SAMMSON: variants seen among roughly 807,000 people sequenced by gnomAD.
SAMMSON encodes long intergenic non-protein coding RNA 1212.
At chr3:70,124,020 A>T (rs1196019744) in intron 4 of SAMMSON, among the ~76,000 whole-genome samples, 1 of 152,168 alleles carries the variant, frequency 6.6e-6, no homozygotes, top group Admixed American at 6.5e-5. Context: ...CGGAAGACAG[A>T]TTCTAGGTCC....
intron 4 of SAMMSON, among the ~76,000 whole-genome samples, chr3:70,165,325 G>T (rs949648106): frequency 3.9e-5 from 6 of 151,972 alleles, no homozygotes; most frequent in African/African-American, 1.4e-4. Flanking sequence ...AACCTAATCT[G>T]TTGGTATTAG....
In SAMMSON at chr3:70,197,148, G is replaced by A. The variant is rs532512213; in HGVS notation, n.508-51959G>A. On this transcript the variant is annotated intron_variant and non_coding_transcript_variant, in intron 4 of 9. Transcript: ENST00000642114. ...GCATCAGGAGACAGTCCCAAAACTG[G>A]CAAAACAGACAGGCGAGGATAAGGG... 16 of 398,480 alleles carry A rather than the reference G, an allele frequency of 4.0e-5. No homozygotes were observed. In the Admixed American group the frequency reaches 5.7e-4, roughly 14 times the overall value. 24.7% of individuals were successfully genotyped at this position (398,480 alleles called of 1,614,324 possible). A position where few individuals can be genotyped will look rare whatever the true frequency, so the allele number is the denominator to read the frequency against.
At chr3:70,373,988 C>A (rs1021533308) in intron 9 of SAMMSON, among the ~76,000 whole-genome samples, 3 of 152,202 alleles carry the variant, frequency 2.0e-5, no homozygotes, top group African/African-American at 7.2e-5. Flanking sequence ...CATCTCGGCT[C>A]ACTGCAACCT....
chr3:70,331,910 C>G (rs1183871099), intron 7 of SAMMSON, among the ~76,000 whole-genome samples: 3 of 152,142 alleles, frequency 2.0e-5, no homozygotes, highest in African/African-American at 7.2e-5. Flanking sequence ...TTGGGGAAAC[C>G]TCATGAGATT....
chr3:70,177,574 CA>C (rs1273298170), intron 4 of SAMMSON, among the ~76,000 whole-genome samples: 4 of 152,060 alleles, frequency 2.6e-5, no homozygotes, highest in African/African-American at 9.7e-5. Context: ...CTCTTGTTTC[CA>C]AAGACTTTTG....
chr3:70,211,943 C>T (rs1701355503), intron 4 of SAMMSON, among the ~76,000 whole-genome samples: 1 of 150,782 alleles, frequency 6.6e-6, no homozygotes, highest in Non-Finnish European at 1.5e-5. Flanking sequence ...GGTGTAATTC[C>T]TTGACTGACC....
chr3:70,341,913 G>A (rs1702714161), intron 7 of SAMMSON, among the ~76,000 whole-genome samples: 1 of 152,152 alleles, frequency 6.6e-6, no homozygotes, highest in African/African-American at 2.4e-5. Context: ...TCAGTAATAT[G>A]TAAAGCCTGT....
intron 7 of SAMMSON, chr3:70,302,521 A>G (rs1308409719): frequency 3.9e-5 from 6 of 152,144 alleles, no homozygotes; most frequent in Non-Finnish European, 1.5e-5. Context: ...AGCTGTTGTG[A>G]CTTGTAGGAA....
chr3:70,213,623 A>G (rs115147089), intron 4 of SAMMSON, among the ~76,000 whole-genome samples: 1,730 of 152,250 alleles, frequency 0.011, 14 homozygotes, highest in Non-Finnish European at 0.017. Context: ...AGTTAATTGA[A>G]GTGACACTGT....
intron 4 of SAMMSON, among the ~76,000 whole-genome samples, chr3:70,222,768 A>T (rs560918357): frequency 6.6e-6 from 1 of 152,148 alleles, no homozygotes; most frequent in East Asian, 1.9e-4. Context: ...GGTGCCTCCT[A>T]TTAAATAATT....
chr3:70,409,367 T>C (rs1701200597), intron 2 of SAMMSON, among the ~76,000 whole-genome samples: 1 of 151,964 alleles, frequency 6.6e-6, no homozygotes, highest in Non-Finnish European at 1.5e-5. Context: ...TCATAAAATA[T>C]GACTAAATAG....
chr3:70,179,993 C>T (rs982068111), intron 4 of SAMMSON, among the ~76,000 whole-genome samples: 6 of 133,858 alleles, frequency 4.5e-5, no homozygotes, highest in South Asian at 2.7e-4. Flanking sequence ...ATTATTTTAC[C>T]TGTGCTTCGT....
chr3:70,316,852 T>C (rs181765834), intron 7 of SAMMSON, among the ~76,000 whole-genome samples: 1 of 152,128 alleles, frequency 6.6e-6, no homozygotes, highest in African/African-American at 2.4e-5. Context: ...TTAAATTTTA[T>C]CTTTGTTTCA....
chr3:70,227,985 A>T (rs1701524830), intron 4 of SAMMSON, among the ~76,000 whole-genome samples: 1 of 151,492 alleles, frequency 6.6e-6, no homozygotes, highest in African/African-American at 2.4e-5. Flanking sequence ...ATAATATAAT[A>T]AATAATATTG....
chr3:70,434,537 A>AT (rs1701443639), intron 2 of SAMMSON, among the ~76,000 whole-genome samples: 1 of 152,130 alleles, frequency 6.6e-6, no homozygotes, highest in Admixed American at 6.5e-5. Context: ...GATTTTCTAT[A>AT]TGTAGACAAC....
intron 6 of SAMMSON, among the ~76,000 whole-genome samples, chr3:70,276,035 A>G (rs1449010568): frequency 6.6e-6 from 1 of 152,152 alleles, no homozygotes; most frequent in Non-Finnish European, 1.5e-5. Flanking sequence ...AGAGCATTTC[A>G]AACTTTAAAA....
intron 2 of SAMMSON, among the ~76,000 whole-genome samples, chr3:70,401,458 C>T (rs950218355): frequency 1.3e-5 from 2 of 152,160 alleles, no homozygotes; most frequent in African/African-American, 4.8e-5. Flanking sequence ...GGATAAAATA[C>T]AATCCCTGGT....
intron 4 of SAMMSON, among the ~76,000 whole-genome samples, chr3:70,222,459 G>A (rs1314956515): frequency 6.6e-6 from 1 of 152,118 alleles, no homozygotes; most frequent in South Asian, 2.1e-4. Context: ...GTGTCTATGT[G>A]CTTACAAGTT....
chr3:70,232,774 A>G lies in SAMMSON; in HGVS notation n.508-16333A>G, dbSNP rs918725240. The stretch of plus-strand genomic sequence containing the variant: ...CAATAATAAATATTTATTCCATCAC[A>G]GGGACTGACTTCTTACTGGGTTGGA... On this transcript the variant is annotated intron_variant and non_coding_transcript_variant, in intron 4 of 9. Coordinates refer to ENST00000642114, the Ensembl canonical transcript of SAMMSON. Among the ~76,000 whole-genome samples the G allele has an allele frequency of 4.6e-5, 7 of 152,172 alleles. No individual in the cohort carries two copies. The South Asian group carries it at 1.4e-3, about 32-fold the overall frequency.
Sources: gnomAD v4.1 joint callset for allele counts (sites outside exome capture counted in the v4.1 genomes callset) on GRCh38, gnomAD v4.1.1 for gene constraint, MANE v1.5 for transcripts, NCBI Gene and HGNC (gene_info 2026-07-23, HGNC 2026-07-21) for gene names.